PTCHD4: variants seen among roughly 807,000 people sequenced by gnomAD.
The protein encoded by PTCHD4 is patched domain-containing protein 4.
A neutral mutation model predicts 58.1 loss-of-function variants in PTCHD4; 33 were observed. The ratio of observed to expected loss-of-function variants is 0.57; its 90% CI spans 0.43 to 0.76. The LOEUF (loss-of-function observed/expected upper bound fraction) is 0.76. Ranked by LOEUF, PTCHD4 falls within the 30% of genes least tolerant of loss-of-function variation. The pLI is 0.00. For missense variants in PTCHD4, 1,058 were observed against 1,027.1 expected (o/e 1.03, Z -0.41); for synonymous variants, 478 against 409.6 (o/e 1.17, Z -2.02).
rs72866387 is a variant in PTCHD4, at chr6:47,863,405, C to A, written c.*14898G>T. 6.6e-6 allele frequency among the ~76,000 whole-genome samples: 1 copy of A among 151,776 alleles called. No homozygotes were observed. Among genetic ancestry groups the A allele is most frequent in the Non-Finnish European group, 1.5e-5 (1 of 67,868 alleles). On this transcript the variant is annotated 3_prime_UTR_variant, in exon 5 of 5. Coordinates refer to ENST00000339488, the MANE Select transcript of PTCHD4 (RefSeq NM_001384253.1). ...ATCCCACATGAAAAATAGTACTTTA[C>A]TATTATTTGGCCTAATAATATAATA...
chr6:47,959,048 C>T (rs1328414864), intron 4 of PTCHD4, among the ~76,000 whole-genome samples: 1 of 152,102 alleles, frequency 6.6e-6, no homozygotes, highest in African/African-American at 2.4e-5. Context: ...TTCACAATTT[C>T]TAGCATCTGA....
At chr6:47,946,044 T>C (rs191479709) in intron 4 of PTCHD4, among the ~76,000 whole-genome samples, 26 of 152,164 alleles carry the variant, frequency 1.7e-4, no homozygotes, top group Middle Eastern at 3.4e-3. Context: ...TATTCATTTC[T>C]AACAATAGCA....
chr6:47,874,386 T>C lies in PTCHD4; in HGVS notation c.*3917A>G, dbSNP rs1763793273. ...TGAAAATAGTGTCTTTAATAACCTATGTACTATTAATAACAAAGCATGCAT... is the reference window on the plus strand; with the variant it reads ...TGAAAATAGTGTCTTTAATAACCTACGTACTATTAATAACAAAGCATGCAT... On this transcript the variant is annotated 3_prime_UTR_variant, in exon 5 of 5. Transcript: ENST00000339488. Among the ~76,000 whole-genome samples, 3 of 151,780 alleles carry C rather than the reference T, an allele frequency of 2.0e-5. No homozygotes were observed. Among genetic ancestry groups the C allele is most frequent in the Admixed American group, 2.0e-4 (3 of 15,182 alleles).
rs16869230 is a variant in PTCHD4, at chr6:47,922,677, T to C, written c.899-42741A>G. On this transcript the variant is annotated intron_variant, in intron 4 of 4. Coordinates refer to ENST00000339488, the MANE Select transcript of PTCHD4 (RefSeq NM_001384253.1). ...GGGTGCCCTTGTTCAATGAACTCTT[T>C]GTGCATGTTCACAGCTGGCTGGTCA... 3.9e-3 allele frequency among the ~76,000 whole-genome samples: 598 copies of C among 152,340 alleles called. 1 individual carries two copies. The highest frequency in any genetic ancestry group is 0.014 in the African/African-American group (578 of 41,592).
intron 4 of PTCHD4, among the ~76,000 whole-genome samples, chr6:47,985,995 T>C (rs1768053318): frequency 7.3e-6 from 1 of 137,400 alleles, no homozygotes; most frequent in South Asian, 2.3e-4. Context: ...TGATATAATA[T>C]ATTAATACAA....
rs1763599740 is a variant in PTCHD4 at position 47,867,462 on chromosome 6, G to A, written c.*10841C>T. ...ACCATTCACTGCATTTAAGCCCAAG[G>A]ATACATCATAAAAAGAGCTTTTTCT... On this transcript the variant is annotated 3_prime_UTR_variant, in exon 5 of 5. Coordinates refer to ENST00000339488, the MANE Select transcript of PTCHD4 (RefSeq NM_001384253.1). Among the ~76,000 whole-genome samples the A allele has an allele frequency of 6.6e-6, 1 of 151,792 alleles. No individual in the cohort carries two copies. The highest frequency in any genetic ancestry group is 6.6e-5 in the Admixed American group (1 of 15,216).
chr6:47,948,183 T>C (rs1391772356), intron 4 of PTCHD4, among the ~76,000 whole-genome samples: 1 of 152,190 alleles, frequency 6.6e-6, no homozygotes, highest in East Asian at 1.9e-4. Context: ...GTTGTTGTAG[T>C]ATTGGGGCCT....
rs1233265064 is a variant in PTCHD4, at chr6:47,861,737, A to G, written c.*16566T>C. ...GCCAATGTCTCATAACAAATGTTTCAGTGAAAGCAAATAGTTACTTTCTTC... is the reference window on the plus strand; with the variant it reads ...GCCAATGTCTCATAACAAATGTTTCGGTGAAAGCAAATAGTTACTTTCTTC... On this transcript the variant is annotated 3_prime_UTR_variant, in exon 5 of 5. Coordinates refer to ENST00000339488, the MANE Select transcript of PTCHD4 (RefSeq NM_001384253.1). Among the ~76,000 whole-genome samples the G allele has an allele frequency of 1.3e-5, 2 of 151,962 alleles. No homozygotes were observed. Among genetic ancestry groups the G allele is most frequent in the East Asian group, 3.9e-4 (2 of 5,162 alleles).
intron 4 of PTCHD4, among the ~76,000 whole-genome samples, chr6:47,966,003 T>C (rs187751553): frequency 1.7e-4 from 26 of 152,244 alleles, no homozygotes; most frequent in Admixed American, 1.0e-3. Flanking sequence ...TGTAAGTGCA[T>C]TGAGGAATAA....
chr6:47,966,365 TA>T (rs1464074236), intron 4 of PTCHD4, among the ~76,000 whole-genome samples: 2 of 152,222 alleles, frequency 1.3e-5, no homozygotes, highest in Non-Finnish European at 1.5e-5. Flanking sequence ...TATTTTTTGG[TA>T]AAAAGTGCTA....
intron 4 of PTCHD4, among the ~76,000 whole-genome samples, chr6:47,936,424 T>C (rs1766001213): frequency 6.6e-6 from 1 of 152,184 alleles, no homozygotes; most frequent in Non-Finnish European, 1.5e-5. Flanking sequence ...CTTTGTACTT[T>C]CAAAAACATT....
chr6:48,090,484 C>A (rs1339798007), intron 1 of PTCHD4, among the ~76,000 whole-genome samples: 3 of 152,084 alleles, frequency 2.0e-5, no homozygotes, highest in African/African-American at 7.2e-5. Flanking sequence ...TGCCATTTTG[C>A]AGCAGAATCA....
At chr6:48,002,660 A>G (rs1323057859) in intron 4 of PTCHD4, among the ~76,000 whole-genome samples, 1 of 151,994 alleles carries the variant, frequency 6.6e-6, no homozygotes, top group Non-Finnish European at 1.5e-5. Context: ...CCTAATGTTA[A>G]ATGACGAGTT....
At chr6:48,023,671 A>G (rs150816479) in intron 3 of PTCHD4, among the ~76,000 whole-genome samples, 2,541 of 152,262 alleles carry the variant, frequency 0.017, 62 homozygotes, top group African/African-American at 0.051. Context: ...TTTCTTCTGA[A>G]TGTTCCCAAA....
At chr6:48,039,474 C>G (rs1016618172) in intron 3 of PTCHD4, among the ~76,000 whole-genome samples, 58 of 152,040 alleles carry the variant, frequency 3.8e-4, no homozygotes, top group African/African-American at 1.4e-3. Context: ...TTTCTGGGGA[C>G]AGATGCCAGA....
At chr6:47,992,904 G>A (rs965517653) in intron 4 of PTCHD4, among the ~76,000 whole-genome samples, 1 of 152,178 alleles carries the variant, frequency 6.6e-6, no homozygotes, top group Non-Finnish European at 1.5e-5. Context: ...GAATAGCATT[G>A]TATGAGATAC....
intron 1 of PTCHD4, among the ~76,000 whole-genome samples, chr6:48,072,997 G>A (rs1765002493): frequency 6.6e-6 from 1 of 152,094 alleles, no homozygotes; most frequent in South Asian, 2.1e-4. Flanking sequence ...GGATTCATTA[G>A]AAAGATAAGT....
chr6:47,918,329 T>C (rs902127580), intron 4 of PTCHD4, among the ~76,000 whole-genome samples: 2 of 152,130 alleles, frequency 1.3e-5, no homozygotes, highest in Non-Finnish European at 2.9e-5. Flanking sequence ...CAACCTGAAA[T>C]TGAGTTCTTT....
At chr6:47,943,346 C>G (rs1325699) in intron 4 of PTCHD4, among the ~76,000 whole-genome samples, 36,037 of 151,898 alleles carry the variant, frequency 0.24, 4,465 homozygotes, top group African/African-American at 0.26. Context: ...CTTGTGTTTT[C>G]CTAAGAATAC....
Sources: allele counts gnomAD v4.1 joint callset (sites outside exome capture counted in the v4.1 genomes callset), GRCh38; gene constraint gnomAD v4.1.1; transcripts MANE v1.5; gene names NCBI Gene and HGNC (gene_info 2026-07-23, HGNC 2026-07-21).